SHISAL2A: variants seen among roughly 807,000 people sequenced by gnomAD.
The protein encoded by SHISAL2A is protein shisa-like-2A.
In SHISAL2A, 18 loss-of-function variants were observed where a neutral mutation model predicts 11.5. That is an observed-to-expected ratio of 1.57 (90% CI 1.08 to 2.33). The LOEUF is 2.33. Ranked by LOEUF, SHISAL2A falls within the 30% of genes most tolerant of loss-of-function variation. The pLI is 0.00. For synonymous variants in SHISAL2A, 94 were observed against 99.6 expected (o/e 0.94, Z 0.34); for missense variants, 261 against 250.9 (o/e 1.04, Z -0.27).
Position 52,646,492 on chromosome 1 carries a change from TACAC to T in SHISAL2A, c.322+3524_322+3527del, listed in dbSNP as rs35929137. The stretch of plus-strand genomic sequence containing the variant: ...GATATTATATTACATTAAATATCTA[TACAC>T]ACACACACACACACACACACACACA... On this transcript the variant is annotated intron_variant, in intron 2 of 2. Transcript: ENST00000517870. Among the ~76,000 whole-genome samples the T allele has an allele frequency of 5.3e-3, 772 of 145,282 alleles. 4 individuals carry two copies. The highest frequency in any genetic ancestry group is 0.022 in the South Asian group (101 of 4,522).
chr1:52,646,305 A>G (rs1691498932), intron 2 of SHISAL2A, among the ~76,000 whole-genome samples: 1 of 152,226 alleles, frequency 6.6e-6, no homozygotes. Flanking sequence ...TGAAAAACCT[A>G]GAATAGAAAG....
chr1:52,668,239 A>G (rs1180068200), intron 5 of SHISAL2A, among the ~76,000 whole-genome samples: 2 of 152,202 alleles, frequency 1.3e-5, no homozygotes, highest in Admixed American at 6.5e-5. Flanking sequence ...TCTGAAGGTA[A>G]TTAGACCTGG....
chr1:52,666,728 T>G (rs1036108175), intron 4 of SHISAL2A, among the ~76,000 whole-genome samples: 1 of 152,132 alleles, frequency 6.6e-6, no homozygotes, highest in African/African-American at 2.4e-5. Flanking sequence ...AAACTACCTC[T>G]GGCAAAATTA....
chr1:52,648,555 A>G (rs1008351906), intron 2 of SHISAL2A, among the ~76,000 whole-genome samples: 16 of 152,198 alleles, frequency 1.1e-4, no homozygotes, highest in Admixed American at 8.5e-4. Flanking sequence ...GGGCATCCCT[A>G]CAATGTGCCA....
chr1:52,657,194 T>C, downstream of SHISAL2A: 1 of 1,046,860 alleles, frequency 9.6e-7, no homozygotes, highest in Admixed American at 2.7e-5. Flanking sequence ...CTGTTCTGCT[T>C]GGCCTATTGT....
intron 2 of SHISAL2A, among the ~76,000 whole-genome samples, chr1:52,650,506 T>C (rs759499973): frequency 1.3e-5 from 2 of 152,214 alleles, no homozygotes; most frequent in South Asian, 2.1e-4. Context: ...CTAGAAATGA[T>C]GCTTACTGGT....
chr1:52,648,311 A>G (rs1691548931), intron 2 of SHISAL2A, among the ~76,000 whole-genome samples: 1 of 152,064 alleles, frequency 6.6e-6, no homozygotes, highest in Admixed American at 6.6e-5. Context: ...GGAATGGATC[A>G]TAAACTGTGG....
At chr1:52,640,448 C>T (rs1691337383) in intron 1 of SHISAL2A, among the ~76,000 whole-genome samples, 2 of 152,062 alleles carry the variant, frequency 1.3e-5, no homozygotes, top group Non-Finnish European at 1.5e-5. Context: ...AGGGCCTAGA[C>T]AATGGGAGGA....
At chr1:52,657,523 T>A (rs1018258038), downstream of SHISAL2A, among the ~76,000 whole-genome samples, 46 of 152,242 alleles carry the variant, frequency 3.0e-4, no homozygotes, top group African/African-American at 1.1e-3. Context: ...GGCGTCATTC[T>A]ATTTCTTAGG....
At chr1:52,639,934 A>G (rs1691323851) in intron 1 of SHISAL2A, 1 of 152,012 alleles carries the variant, frequency 6.6e-6, no homozygotes, top group South Asian at 2.1e-4. Flanking sequence ...GACTACAGGC[A>G]TGTGGTCACC....
intron 4 of SHISAL2A, among the ~76,000 whole-genome samples, chr1:52,663,769 A>C (rs1571705566): frequency 6.6e-6 from 1 of 152,234 alleles, no homozygotes; most frequent in East Asian, 1.9e-4. Flanking sequence ...CTAAAAAAAA[A>C]GAAAAGAAAG....
Position 52,642,535 on chromosome 1 carries a change from C to G in SHISAL2A, c.183-328C>G, listed in dbSNP as rs568890823. On this transcript the variant is annotated intron_variant, in intron 1 of 2. Coordinates refer to ENST00000517870, the MANE Select transcript of SHISAL2A (RefSeq NM_001042693.3). ...CCGCCTCCCGAGTTCAAGTGATTCT[C>G]GTGCCTCAGCCTCCCGAGTAGGTGA... Among the ~76,000 whole-genome samples, 3 of 151,570 alleles carry G rather than the reference C, an allele frequency of 2.0e-5. No homozygotes were observed. The East Asian group carries it at 5.8e-4, about 29-fold the overall frequency.
chr1:52,639,615 T>C (rs1263895108), intron 1 of SHISAL2A, among the ~76,000 whole-genome samples: 1 of 151,704 alleles, frequency 6.6e-6, no homozygotes, highest in East Asian at 2.0e-4. Flanking sequence ...TAGCCGGGCG[T>C]GGTGGCGGGT....
chr1:52,633,129 C>G (rs1415624388), upstream of SHISAL2A, among the ~76,000 whole-genome samples: 1 of 152,212 alleles, frequency 6.6e-6, no homozygotes, highest in Non-Finnish European at 1.5e-5. This position sits in a 1 kb window ranked among gnomAD's most constrained non-coding sequence, Gnocchi z 6.4. Context: ...CTCGTGCAGG[C>G]AGGGGGAGCG....
At chr1:52,638,724 T>C (rs1368030052) in intron 1 of SHISAL2A, among the ~76,000 whole-genome samples, 2 of 152,208 alleles carry the variant, frequency 1.3e-5, no homozygotes, top group East Asian at 3.8e-4. Context: ...TAGAATGTAC[T>C]CCTCAGGGTT....
At chr1:52,669,304 A>AG (rs1692067414) in exon 6 of SHISAL2A, 1 of 151,692 alleles carries the variant, frequency 6.6e-6, no homozygotes, top group Non-Finnish European at 1.5e-5. Flanking sequence ...GCACTGAGCT[A>AG]GGGAATGTTG....
intron 1 of SHISAL2A, among the ~76,000 whole-genome samples, chr1:52,636,636 A>G (rs185273216): frequency 3.5e-4 from 54 of 152,368 alleles, no homozygotes; most frequent in Middle Eastern, 6.8e-3. Context: ...GCAATATCAT[A>G]GCAGACTGAG....
At chr1:52,644,786 G>A (rs1370300535) in intron 2 of SHISAL2A, among the ~76,000 whole-genome samples, 1 of 152,096 alleles carries the variant, frequency 6.6e-6, no homozygotes, top group East Asian at 1.9e-4. Flanking sequence ...GGGAGGCCAG[G>A]GCGGGCGGAT....
chr1:52,644,391 G>T (rs1691446585), intron 2 of SHISAL2A, among the ~76,000 whole-genome samples: 1 of 152,186 alleles, frequency 6.6e-6, no homozygotes, highest in Non-Finnish European at 1.5e-5. Context: ...AGGGAATAAG[G>T]CCAGGCAGCC....
Sources: allele counts gnomAD v4.1 joint callset (sites outside exome capture counted in the v4.1 genomes callset), GRCh38; gene constraint gnomAD v4.1.1; non-coding constraint Gnocchi (gnomAD v3.1); transcripts MANE v1.5; gene names NCBI Gene and HGNC (gene_info 2026-07-23, HGNC 2026-07-21).